MEGF10: variants seen among roughly 807,000 people sequenced by gnomAD.
MEGF10 encodes multiple epidermal growth factor-like domains protein 10.
Under a neutral mutation model 147.5 loss-of-function variants are expected in MEGF10, and 86 were observed. The observed-to-expected ratio is 0.58, with a 90% CI of 0.49 to 0.70. The LOEUF (loss-of-function observed/expected upper bound fraction) is 0.70. Among genes scored for constraint, MEGF10 ranks in the 30% least tolerant of loss-of-function variants. The probability of loss-of-function intolerance (pLI) is 0.00; values close to 1 mark genes in which losing one functional copy is unlikely to be tolerated. For synonymous variants in MEGF10, 478 were observed against 525.5 expected (o/e 0.91, Z 1.24); for missense variants, 1,329 against 1,487.3 (o/e 0.89, Z 1.75).
At chr5:127,396,231 C>G (rs575010680) in intron 5 of MEGF10, among the ~76,000 whole-genome samples, 1 of 152,346 alleles carries the variant, frequency 6.6e-6, no homozygotes, top group African/African-American at 2.4e-5. Context: ...GCCCACTTCT[C>G]TAGCCACATC....
At chr5:127,267,669 G>T in the MEGF10 span, among the ~76,000 whole-genome samples, 9 of 152,108 alleles carry the variant, frequency 5.9e-5, no homozygotes, top group Non-Finnish European at 1.5e-5. Context: ...ATGTGTCCAG[G>T]AATTTATCCA....
chr5:127,249,327 CTAA>C, the MEGF10 span, among the ~76,000 whole-genome samples: 3 of 151,128 alleles, frequency 2.0e-5, no homozygotes, highest in Non-Finnish European at 4.4e-5. Flanking sequence ...GGCGCAATCA[CTAA>C]TACATACACA....
At chr5:127,383,307 T>G (rs1364335758) in intron 5 of MEGF10, among the ~76,000 whole-genome samples, 1 of 152,068 alleles carries the variant, frequency 6.6e-6, no homozygotes, top group Non-Finnish European at 1.5e-5. Flanking sequence ...TATATAGCAT[T>G]CCATTATATT....
At position 127,292,232 on chromosome 5, in the gene MEGF10, G is replaced by A. The variant is rs1041992551; in HGVS notation, c.-19+1176G>A. ...CTGGGCACCCGCCAGCCTGGGTTCA[G>A]CTCACAACTCTGCCACTTTTCAGTT... On this transcript the variant is annotated intron_variant, in intron 1 of 24. Coordinates refer to ENST00000503335, the MANE Select transcript of MEGF10 (RefSeq NM_001256545.2). Among the ~76,000 whole-genome samples the A allele has an allele frequency of 2.0e-5, 3 of 152,254 alleles. No individual in the cohort carries two copies. The East Asian group carries it at 5.8e-4, about 29-fold the overall frequency.
rs769798459 is a variant in MEGF10, at chr5:127,440,795, G to A, written c.2290G>A (p.Gly764Arg). Residue 764 changes from glycine to arginine, a missense_variant, in exon 18 of 25, where the codon GGA becomes AGA. Around this residue, in one of 3 missense-constraint regions of MEGF10, gnomAD observed 980 missense variants for 1,085.9 expected, o/e 0.90. Transcript: ENST00000503335. ...DCALICQCQN[G>R]ADCDHISGQC... is the part of the protein sequence containing the mutation. ...TGCACTGATATGCCAATGTCAAAAC[G>A]GAGCTGACTGCGACCACATTTCTGG... is the stretch of plus-strand genomic sequence containing the variant. 16 of 1,613,994 alleles carry A rather than the reference G, an allele frequency of 9.9e-6. No homozygotes were observed. The highest frequency in any genetic ancestry group is 1.7e-5 in the Admixed American group (1 of 60,006).
At chr5:127,311,781 TA>T (rs1760297027) in intron 1 of MEGF10, among the ~76,000 whole-genome samples, 1 of 152,220 alleles carries the variant, frequency 6.6e-6, no homozygotes, top group South Asian at 2.1e-4. Flanking sequence ...AGAATAGTTT[TA>T]CTGATGTCAA....
At chr5:127,258,643 T>G in the MEGF10 span, among the ~76,000 whole-genome samples, 2 of 152,170 alleles carry the variant, frequency 1.3e-5, no homozygotes, top group African/African-American at 4.8e-5. Context: ...TACTGGAAGG[T>G]GGGGCCTCTA....
chr5:127,398,001 T>C (rs1580814865), intron 6 of MEGF10, among the ~76,000 whole-genome samples: 1 of 127,518 alleles, frequency 7.8e-6, no homozygotes, highest in Non-Finnish European at 1.6e-5. Context: ...CACTCATAAG[T>C]GGGAGTTGAA....
intron 13 of MEGF10, among the ~76,000 whole-genome samples, chr5:127,428,182 G>T (rs1765270792): frequency 7.1e-6 from 1 of 141,710 alleles, no homozygotes; most frequent in Non-Finnish European, 1.5e-5. Flanking sequence ...AAGTGCAAAG[G>T]CAAACACCTC....
rs1444902657 is a variant in MEGF10 at position 127,434,833 on chromosome 5, A to G, written c.1975+12A>G. 6.2e-7 allele frequency: 1 copy of G among 1,610,252 alleles called. No homozygotes were observed. Among genetic ancestry groups the G allele is most frequent in the South Asian group, 1.1e-5 (1 of 90,892 alleles). ...CCTCTGCAATGAAGGTAAGGCACGA[A>G]GCATCCCGGACAGCTGGGTGGTGAT... On this transcript the variant is annotated intron_variant, in intron 15 of 24. Transcript: ENST00000503335.
chr5:127,336,142 A>G (rs1479703678), intron 2 of MEGF10, among the ~76,000 whole-genome samples: 1 of 151,442 alleles, frequency 6.6e-6, no homozygotes, highest in African/African-American at 2.4e-5. Flanking sequence ...TAGTTAAATT[A>G]GTTGTACTAT....
chr5:127,345,436 G>A (rs1761849476), intron 4 of MEGF10, among the ~76,000 whole-genome samples: 1 of 152,094 alleles, frequency 6.6e-6, no homozygotes, highest in Non-Finnish European at 1.5e-5. Flanking sequence ...ATGTCATCAG[G>A]CAGGAAAGAC....
At position 127,449,216 on chromosome 5, in the gene MEGF10, G is replaced by A. The variant is rs753902803; in HGVS notation, c.2974G>A (p.Glu992Lys). 2.5e-6 allele frequency: 4 copies of A among 1,613,262 alleles called. No individual in the cohort carries two copies. Among genetic ancestry groups the A allele is most frequent in the Middle Eastern group, 3.4e-4 (2 of 5,866 alleles). The change falls in exon 22 of 25, where the codon GAG becomes AAG. Residue 992 changes from glutamate (E) to lysine (K), a missense_variant. Physicochemically the swap from Glu to Lys is moderately conservative, Grantham distance 56. Around this residue, in one of 3 missense-constraint regions of MEGF10, gnomAD observed 343 missense variants for 377.9 expected, o/e 0.91. Coordinates refer to ENST00000503335, the MANE Select transcript of MEGF10 (RefSeq NM_001256545.2). ...CTGGAAACATGGCGGCTACCTCAACGAGCTCGGTGAGTTCTCCCAACGCAC... is the reference window on the plus strand; with the variant it reads ...CTGGAAACATGGCGGCTACCTCAACAAGCTCGGTGAGTTCTCCCAACGCAC... ...ADWKHGGYLN[E>K]LGAFGLDRSY...
At chr5:127,338,157 G>A (rs1471321018) in intron 2 of MEGF10, among the ~76,000 whole-genome samples, 1 of 152,052 alleles carries the variant, frequency 6.6e-6, no homozygotes, top group Non-Finnish European at 1.5e-5. Context: ...TCCTATTAGT[G>A]AACTTGGGCT....
Position 127,437,460 on chromosome 5 carries a change from C to T in MEGF10, c.2105-979C>T, listed in dbSNP as rs555781509. 2.2e-3 allele frequency among the ~76,000 whole-genome samples: 332 copies of T among 152,290 alleles called. 1 individual carries two copies. Among genetic ancestry groups the T allele is most frequent in the African/African-American group, 7.6e-3 (315 of 41,544 alleles). ...AGAATTTTTTTCATTTAAAAAGTTA[C>T]TTCATATGTATTATTGATTGTCTTT... On this transcript the variant is annotated intron_variant, in intron 16 of 24. Coordinates refer to ENST00000503335, the MANE Select transcript of MEGF10 (RefSeq NM_001256545.2).
At position 127,420,095 on chromosome 5, in the gene MEGF10, T is replaced by C; in HGVS notation, c.1478T>C (p.Phe493Ser). The change falls in exon 12 of 25, where the codon TTT becomes TCT. Residue 493 changes from phenylalanine (F) to serine (S), a missense_variant. Around this residue, in one of 3 missense-constraint regions of MEGF10, gnomAD observed 980 missense variants for 1,085.9 expected, o/e 0.90. Coordinates refer to ENST00000503335, the MANE Select transcript of MEGF10 (RefSeq NM_001256545.2). ...SIRCPSGTWG[F>S]GCNLTCQCLN... ...AGATGTCCCAGTGGCACATGGGGCT[T>C]TGGCTGTAACTTAACATGCCAGTGC... 1 of 1,614,180 alleles carries C rather than the reference T, an allele frequency of 6.2e-7. No homozygotes were observed. Among genetic ancestry groups the C allele is most frequent in the Non-Finnish European group, 8.5e-7 (1 of 1,180,032 alleles).
At chr5:127,315,937 G>A (rs941619220) in intron 1 of MEGF10, among the ~76,000 whole-genome samples, 33 of 152,302 alleles carry the variant, frequency 2.2e-4, no homozygotes, top group African/African-American at 7.5e-4. Context: ...GCTGTAGACC[G>A]TAGCAATCTG....
intron 6 of MEGF10, among the ~76,000 whole-genome samples, chr5:127,397,503 G>A (rs148337683): frequency 4.6e-4 from 70 of 152,230 alleles, no homozygotes; most frequent in African/African-American, 1.5e-3. Context: ...AAAAGTAAGA[G>A]ATAGAAAAAT....
chr5:127,426,335 T>G (rs1011049452), intron 13 of MEGF10, among the ~76,000 whole-genome samples: 1 of 152,224 alleles, frequency 6.6e-6, no homozygotes, highest in Non-Finnish European at 1.5e-5. Flanking sequence ...TATACTGTTA[T>G]GAAAAGTAAA....
Sources: allele counts gnomAD v4.1 joint callset (sites outside exome capture counted in the v4.1 genomes callset), GRCh38; gene constraint gnomAD v4.1.1; regional missense constraint gnomAD v4.1.1; transcripts MANE v1.5; gene names NCBI Gene and HGNC (gene_info 2026-07-23, HGNC 2026-07-21).